The following RNF10 variants were observed in gnomAD, a reference collection of about 807,000 sequenced individuals.
RNF10 encodes ring finger protein 10, also known as E3 ubiquitin-protein ligase RNF10.
A neutral mutation model predicts 91.4 loss-of-function variants in RNF10; 38 were observed. That is an observed-to-expected ratio of 0.42 (90% CI 0.32 to 0.54). RNF10 has a LOEUF of 0.54. Among genes scored for constraint, RNF10 ranks in the 20% least tolerant of loss-of-function variants. The probability of loss-of-function intolerance (pLI) is 0.16; values close to 1 mark genes in which losing one functional copy is unlikely to be tolerated. For missense variants in RNF10, 945 were observed against 1,012.0 expected (o/e 0.93, Z 0.90); for synonymous variants, 364 against 366.3 (o/e 0.99, Z 0.07).
chr12:120,544,846 T>C (rs1872080615), intron 1 of RNF10, among the ~76,000 whole-genome samples: 1 of 152,188 alleles, frequency 6.6e-6, no homozygotes, highest in Non-Finnish European at 1.5e-5. Context: ...TGGTATTATA[T>C]TAAACTAACA....
intron 13 of RNF10, among the ~76,000 whole-genome samples, chr12:120,569,854 A>G (rs191936178): frequency 6.7e-6 from 1 of 148,844 alleles, no homozygotes; most frequent in East Asian, 2.1e-4. Flanking sequence ...TGATACCGAG[A>G]TTGTGTTTTC....
chr12:120,566,783 A>C, intron 12 of RNF10, 42 bp from the exon 13 acceptor site: 2 of 1,553,966 alleles, frequency 1.3e-6, no homozygotes, highest in Non-Finnish European at 8.7e-7. Flanking sequence ...AAAAAAATTG[A>C]ATTCTGTAAA....
Position 120,565,064 on chromosome 12 carries a change from C to T in RNF10, c.1666-8C>T. ...TTTTGTTGAGTATTGGTCCTTTTTC[C>T]AATGTAGGATGTTCGACAGCGTCAC... On this transcript the variant is annotated splice_region_variant and splice_polypyrimidine_tract_variant and intron_variant, in intron 10 of 16. Coordinates refer to ENST00000325954, the MANE Select transcript of RNF10 (RefSeq NM_014868.5). 1 of 1,600,374 alleles carries T rather than the reference C, an allele frequency of 6.2e-7. No individual in the cohort carries two copies. The highest frequency in any genetic ancestry group is 8.6e-7 in the Non-Finnish European group (1 of 1,168,238).
intron 2 of RNF10, among the ~76,000 whole-genome samples, chr12:120,552,188 A>G (rs941579463): frequency 3.3e-5 from 5 of 151,874 alleles, no homozygotes; most frequent in African/African-American, 1.2e-4. Context: ...TGAGGTCAAG[A>G]GTTGGAGACC....
In RNF10 at chr12:120,542,698, G is replaced by A. The variant is rs563410057; in HGVS notation, c.158-3707G>A. ...CTCCCAAGTAGCTGGGATTACAGGC[G>A]TGTGGCACCACACCTGGCTAATGTT... On this transcript the variant is annotated intron_variant, in intron 1 of 16. Coordinates refer to ENST00000325954, the MANE Select transcript of RNF10 (RefSeq NM_014868.5). Among the ~76,000 whole-genome samples, 24 of 152,162 alleles carry A rather than the reference G, an allele frequency of 1.6e-4. 1 individual carries two copies. In the East Asian group the frequency reaches 3.5e-3, roughly 22 times the overall value.
intron 10 of RNF10, among the ~76,000 whole-genome samples, chr12:120,564,871 A>G (rs142752056): frequency 6.6e-6 from 1 of 152,280 alleles, no homozygotes; most frequent in African/African-American, 2.4e-5. Flanking sequence ...ACCAAAAATA[A>G]CTGGATTTGG....
intron 14 of RNF10, chr12:120,575,261 CACTG>C (rs1877234661): frequency 4.0e-6 from 1 of 248,000 alleles, no homozygotes; most frequent in African/African-American, 2.3e-5. Flanking sequence ...GGGTACTACT[CACTG>C]CTTCCTCCGA....
intron 1 of RNF10, among the ~76,000 whole-genome samples, chr12:120,541,349 T>C (rs1244741897): frequency 1.3e-5 from 2 of 152,168 alleles, no homozygotes; most frequent in Non-Finnish European, 2.9e-5. Context: ...GAATCTCCTT[T>C]GCTTGAGGTG....
At chr12:120,535,019 GGA>G (rs772894842) in intron 1 of RNF10, 51 bp downstream of exon 1, 1 of 1,521,460 alleles carries the variant, frequency 6.6e-7, no homozygotes, top group Non-Finnish European at 8.8e-7. Flanking sequence ...CTGCTGCTGG[GGA>G]GAGTCGTTGC....
chr12:120,557,258 CCTT>C (rs1874187451), intron 4 of RNF10, 21 bp from the exon 5 acceptor site: 1 of 1,611,154 alleles, frequency 6.2e-7, no homozygotes, highest in African/African-American at 1.3e-5. Context: ...AAGCAGTGAA[CCTT>C]CTGGTGGCAT....
intron 1 of RNF10, among the ~76,000 whole-genome samples, chr12:120,543,530 G>C (rs1163856606): frequency 6.6e-6 from 1 of 152,068 alleles, no homozygotes; most frequent in Admixed American, 6.6e-5. Context: ...GGTCGGGCCT[G>C]ATGGCTCACG....
chr12:120,537,212 G>T (rs1870952410), intron 1 of RNF10, among the ~76,000 whole-genome samples: 1 of 151,860 alleles, frequency 6.6e-6, no homozygotes, highest in South Asian at 2.1e-4. Context: ...GGCTGAGGCA[G>T]GGGAGGAGGA....
intron 3 of RNF10, 131 bp downstream of exon 3, chr12:120,552,829 G>T (rs1873318264): frequency 1.3e-6 from 1 of 757,044 alleles, no homozygotes; most frequent in Non-Finnish European, 2.1e-6. Context: ...TTCTTTTTCT[G>T]TTCACCACTG....
At chr12:120,545,687 G>A (rs1181565427) in intron 1 of RNF10, among the ~76,000 whole-genome samples, 3 of 152,008 alleles carry the variant, frequency 2.0e-5, no homozygotes, top group East Asian at 1.9e-4. Context: ...ATAGGTGCCC[G>A]CCACCATGCG....
chr12:120,568,339 C>T (rs577001198), intron 13 of RNF10, among the ~76,000 whole-genome samples: 1 of 152,228 alleles, frequency 6.6e-6, no homozygotes, highest in African/African-American at 2.4e-5. Context: ...TCAAATGGGC[C>T]TTTAGCCTTC....
rs766878683 is a variant in RNF10, at chr12:120,565,481, C to T, written c.1837C>T (p.Arg613Cys). 16 of 1,613,880 alleles carry T rather than the reference C, an allele frequency of 9.9e-6. No homozygotes were observed. The highest frequency in any genetic ancestry group is 5.5e-5 in the South Asian group (5 of 91,050). Reference sequence around the variant, plus strand: ...CCAAAAGAAGGCTCGGGAGGAACGCCGCCGAGAGCGCAGGATTGAGATAGA... The same window carrying T: ...CCAAAAGAAGGCTCGGGAGGAACGCTGCCGAGAGCGCAGGATTGAGATAGA... ...QRQKKAREER[R>C]RERRIEIEEN... Residue 613 changes from arginine to cysteine, a missense_variant, in exon 12 of 17, where the codon CGC becomes TGC. Physicochemically the swap from Arg to Cys is radical, Grantham distance 180. Coordinates refer to ENST00000325954, the MANE Select transcript of RNF10 (RefSeq NM_014868.5).
At position 120,571,123 on chromosome 12, in the gene RNF10, T is replaced by G. The variant is rs976452845; in HGVS notation, c.2042-68T>G. On this transcript the variant is annotated intron_variant, in intron 13 of 16. Transcript: ENST00000325954. ...TTTCCAGACCTGACTCAGGGCTCAC[T>G]CATCTCTCTTGTTAAGGACACCCCT... 3.0e-6 allele frequency: 3 copies of G among 1,004,396 alleles called. No individual in the cohort carries two copies. The African/African-American group carries it at 4.8e-5, about 16-fold the overall frequency. The allele number at this position is 1,004,396 out of a possible 1,614,324, so 62.2% of individuals were successfully genotyped here.
rs1875238043 is a variant in RNF10 at position 120,563,593 on chromosome 12, A to C, written c.1501A>C (p.Ser501Arg). The C allele has an allele frequency of 1.2e-6, 2 of 1,609,262 alleles. No individual in the cohort carries two copies. Among genetic ancestry groups the C allele is most frequent in the Middle Eastern group, 1.7e-4 (1 of 6,026 alleles). Residue 501 changes from serine to arginine, a missense_variant, in exon 9 of 17, where the codon AGC becomes CGC. Physicochemically the swap from Ser to Arg is moderately radical, Grantham distance 110. Coordinates refer to ENST00000325954, the MANE Select transcript of RNF10 (RefSeq NM_014868.5). Reference sequence around the variant, plus strand: ...CACCAAGTCAGGCTTCACACGCCTCAGCAGCTCTCCTTGTTACTACTTTTA... The same window carrying C: ...CACCAAGTCAGGCTTCACACGCCTCCGCAGCTCTCCTTGTTACTACTTTTA... ...PITKSGFTRLSSSPCYYFYQA... is the reference protein window; with the variant it reads ...PITKSGFTRLRSSPCYYFYQA...
At chr12:120,553,078 T>G (rs1873393076) in intron 3 of RNF10, among the ~76,000 whole-genome samples, 2 of 16,816 alleles carry the variant, frequency 1.2e-4, no homozygotes, top group East Asian at 2.2e-3. Context: ...TTTTTTTTTT[T>G]TTTTTTTTTT....
Sources: allele counts gnomAD v4.1 joint callset (sites outside exome capture counted in the v4.1 genomes callset), GRCh38; gene constraint gnomAD v4.1.1; transcripts MANE v1.5; gene names NCBI Gene and HGNC (gene_info 2026-07-23, HGNC 2026-07-21).